RAPGEF1: variants seen among roughly 807,000 people sequenced by gnomAD.
RAPGEF1 encodes CRK SH3-binding GNRP.
In RAPGEF1, 33 loss-of-function variants were observed where a neutral mutation model predicts 143.3. The ratio of observed to expected loss-of-function variants is 0.23; its 90% CI spans 0.17 to 0.31. The LOEUF (loss-of-function observed/expected upper bound fraction) is 0.31, where lower values mean the gene tolerates loss of function less well. Ranked by LOEUF, RAPGEF1 falls within the 10% of genes least tolerant of loss-of-function variation. The probability of loss-of-function intolerance (pLI) is 1.00; values close to 1 mark genes in which losing one functional copy is unlikely to be tolerated. For synonymous variants in RAPGEF1, 629 were observed against 676.5 expected (o/e 0.93, Z 1.09); for missense variants, 1,199 against 1,645.4 (o/e 0.73, Z 4.69).
chr9:131,600,371 T>C (rs1956069357), intron 15 of RAPGEF1, among the ~76,000 whole-genome samples: 1 of 152,092 alleles, frequency 6.6e-6, no homozygotes, highest in Admixed American at 6.5e-5. Context: ...ACGAGCTGCA[T>C]TTGCTTGGCC....
At position 131,621,633 on chromosome 9, in the gene RAPGEF1, G is replaced by A. The variant is rs1482139208; in HGVS notation, c.1905+163C>T. ...TGGGCTGCTGGTGAGCATCTAAGGA[G>A]GAAGTAAAAGCATCTGTGTGGGAGA... On this transcript the variant is annotated intron_variant, in intron 11 of 26. Transcript: ENST00000683357. This position sits in a 1 kb window ranked among gnomAD's most constrained non-coding sequence, Gnocchi z 4.5. Among the ~76,000 whole-genome samples the A allele has an allele frequency of 6.6e-6, 1 of 152,164 alleles. No individual in the cohort carries two copies. Among genetic ancestry groups the A allele is most frequent in the East Asian group, 1.9e-4 (1 of 5,190 alleles).
intron 1 of RAPGEF1, among the ~76,000 whole-genome samples, chr9:131,693,657 T>G (rs1833934014): frequency 6.6e-6 from 1 of 152,180 alleles, no homozygotes; most frequent in Non-Finnish European, 1.5e-5. Context: ...TCTATTCAAG[T>G]GTTTCTCAAT....
rs1257125956 is a variant in RAPGEF1, at chr9:131,621,896, A to C, written c.1805T>G (p.Leu602Arg). The C allele has an allele frequency of 6.2e-7, 1 of 1,613,648 alleles. No individual in the cohort carries two copies. Among genetic ancestry groups the C allele is most frequent in the South Asian group, 1.1e-5 (1 of 90,978 alleles). ...NEHIYQQKNK[L>R]LMEVYGFSDS... ...GCTGAAGCCGTATACCTCCATGAGG[A>C]GCTTGTTCTTCTGCTGGTAGATGTG... Residue 602 changes from leucine (L) to arginine (R), a missense_variant, in exon 11 of 27, where the codon CTC (leucine) becomes CGC (arginine). By Grantham distance (102) the Leu-to-Arg change is moderately radical (BLOSUM62 -2). Around this residue, in one of 6 missense-constraint regions of RAPGEF1, gnomAD observed 293 missense variants for 356.2 expected, o/e 0.82. Transcript: ENST00000683357. The surrounding 1 kb of genome is among the most constrained non-coding windows in gnomAD (Gnocchi z 4.5).
intron 11 of RAPGEF1, among the ~76,000 whole-genome samples, chr9:131,620,786 T>C (rs182575052): frequency 4.2e-4 from 64 of 152,318 alleles, no homozygotes; most frequent in African/African-American, 1.4e-3. Context: ...GGTGATTGAT[T>C]ATACGGAGTA....
intron 1 of RAPGEF1, among the ~76,000 whole-genome samples, chr9:131,730,554 G>C (rs1001023423): frequency 9.9e-5 from 15 of 151,884 alleles, no homozygotes; most frequent in African/African-American, 3.4e-4. Context: ...AATTAGCCGG[G>C]CGTGGTGGCG....
chr9:131,605,019 G>A lies in RAPGEF1; in HGVS notation c.2231C>T (p.Thr744Ile). Residue 744 changes from threonine to isoleucine, a missense_variant, in exon 13 of 27, where the codon ACC becomes ATC. This residue lies in a region of RAPGEF1 where 293 missense variants were observed against 356.2 expected (regional missense o/e 0.82). Coordinates refer to ENST00000683357, the MANE Select transcript of RAPGEF1 (RefSeq NM_001377935.1). ...VPTMAGPPPSTVDGPLSASQE... is the reference protein window; with the variant it reads ...VPTMAGPPPSIVDGPLSASQE... ...AGAAGCCGAGAGAGGCCCGTCCACG[G>A]TGCTGGGAGGTGGACCGGCCATGGT... The A allele has an allele frequency of 1.5e-6, 2 of 1,361,828 alleles. No homozygotes were observed. Among genetic ancestry groups the A allele is most frequent in the Non-Finnish European group, 2.0e-6 (2 of 1,019,908 alleles). The allele number at this position is 1,361,828 out of a possible 1,614,324, so 84.4% of individuals were successfully genotyped here.
chr9:131,662,046 T>C (rs1974240231), intron 1 of RAPGEF1, among the ~76,000 whole-genome samples: 1 of 152,228 alleles, frequency 6.6e-6, no homozygotes, highest in Non-Finnish European at 1.5e-5. Context: ...ATCTGTCTCA[T>C]GAGGCTCGCC....
rs559234831 is a variant in RAPGEF1, at chr9:131,659,631, AG to A, written c.62-8683del. 1.6e-3 allele frequency among the ~76,000 whole-genome samples: 239 copies of A among 152,292 alleles called. 1 individual carries two copies. The highest frequency in any genetic ancestry group is 5.6e-3 in the African/African-American group (231 of 41,556). On this transcript the variant is annotated intron_variant, in intron 1 of 26. Transcript: ENST00000683357. ...ATAGCCACAGACCTAGCTCCTCCTC[AG>A]GTAATTGTGGAGATTAAATGTGACC...
At chr9:131,600,239 T>C (rs1486453174) in intron 15 of RAPGEF1, among the ~76,000 whole-genome samples, 1 of 152,182 alleles carries the variant, frequency 6.6e-6, no homozygotes, top group Non-Finnish European at 1.5e-5. Flanking sequence ...TTGGCCTTGA[T>C]GGAGGGACAA....
chr9:131,679,148 C>T (rs891782218), intron 1 of RAPGEF1, among the ~76,000 whole-genome samples: 4 of 147,986 alleles, frequency 2.7e-5, no homozygotes, highest in Admixed American at 6.8e-5. Context: ...ATCCCAACTG[C>T]GAACTCATTA....
chr9:131,581,958 C>T (rs565703509), intron 25 of RAPGEF1, among the ~76,000 whole-genome samples: 4 of 152,202 alleles, frequency 2.6e-5, no homozygotes, highest in African/African-American at 9.7e-5. Flanking sequence ...ATTGAACACT[C>T]AGCACTGGGA....
At chr9:131,702,264 G>A (rs931743099) in intron 1 of RAPGEF1, among the ~76,000 whole-genome samples, 5 of 152,192 alleles carry the variant, frequency 3.3e-5, no homozygotes, top group Non-Finnish European at 7.3e-5. Flanking sequence ...AGAAACTCAA[G>A]TATTTAATAA....
At chr9:131,723,344 G>T (rs1413334118) in intron 1 of RAPGEF1, among the ~76,000 whole-genome samples, 1 of 152,090 alleles carries the variant, frequency 6.6e-6, no homozygotes, top group Non-Finnish European at 1.5e-5. Flanking sequence ...CCACTTCAGT[G>T]GTAATAAGTA....
intron 5 of RAPGEF1, among the ~76,000 whole-genome samples, chr9:131,635,792 C>T (rs143669062): frequency 2.3e-4 from 35 of 152,280 alleles, no homozygotes; most frequent in East Asian, 1.4e-3. Context: ...CTGACTACTG[C>T]TCCACCTGAG....
At chr9:131,637,733 T>C (rs765884352) in intron 5 of RAPGEF1, among the ~76,000 whole-genome samples, 38 of 152,216 alleles carry the variant, frequency 2.5e-4, no homozygotes, top group Non-Finnish European at 4.1e-4. Flanking sequence ...GGTGCTGTTC[T>C]AGAAGCATTA....
rs1179367961 is a variant in RAPGEF1 at position 131,630,310 on chromosome 9, G to A, written c.666C>T (p.Leu222=). The part of the protein sequence containing the change: ...VLDGVKELVR[L]TIEKQGRPSP... ...ACGGACGTCCCTGCTTCTCGATGGTGAGCCTGACCAGCTCCTACCCCCACA... is the reference window on the plus strand; with the variant it reads ...ACGGACGTCCCTGCTTCTCGATGGTAAGCCTGACCAGCTCCTACCCCCACA... The change falls in exon 6 of 27, where the codon CTC becomes CTT. Residue 222 remains leucine (L), a synonymous_variant. Transcript: ENST00000683357. The A allele has an allele frequency of 6.2e-7, 1 of 1,613,712 alleles. No individual in the cohort carries two copies. The highest frequency in any genetic ancestry group is 1.7e-5 in the Admixed American group (1 of 59,998).
chr9:131,592,246 G>T, intron 17 of RAPGEF1, 63 bp from the exon 18 acceptor site: 3 of 1,362,012 alleles, frequency 2.2e-6, no homozygotes, highest in Non-Finnish European at 3.1e-6. Flanking sequence ...GTGGTAGCCA[G>T]GGTGGATTTG....
At chr9:131,691,575 A>G (rs1372743389) in intron 1 of RAPGEF1, among the ~76,000 whole-genome samples, 1 of 152,140 alleles carries the variant, frequency 6.6e-6, no homozygotes, top group African/African-American at 2.4e-5. Flanking sequence ...TGCTTTTCTC[A>G]ATGCTTTTTG....
chr9:131,596,185 G>A (rs537014560), intron 17 of RAPGEF1, 113 bp downstream of exon 17: 2 of 971,714 alleles, frequency 2.1e-6, no homozygotes, highest in African/African-American at 1.6e-5. Flanking sequence ...CAGGACTGCT[G>A]ATCAGACCTG....
Sources: allele counts gnomAD v4.1 joint callset (sites outside exome capture counted in the v4.1 genomes callset), GRCh38; gene constraint gnomAD v4.1.1; regional missense constraint gnomAD v4.1.1; non-coding constraint Gnocchi (gnomAD v3.1); transcripts MANE v1.5; gene names NCBI Gene and HGNC (gene_info 2026-07-23, HGNC 2026-07-21).